The following CGGBP1 variants were observed in gnomAD, a reference collection of about 807,000 sequenced individuals.
CGGBP1 encodes CGG triplet repeat binding protein 1, also known as CGG triplet repeat-binding protein 1.
CGGBP1 carries 4 observed loss-of-function variants against 11.4 expected under a neutral mutation model. That is an observed-to-expected ratio of 0.35 (90% CI 0.17 to 0.80). CGGBP1 has a LOEUF of 0.80. CGGBP1 is among the 30% of genes least tolerant of loss of function. The probability of loss-of-function intolerance (pLI) is 0.52; values close to 1 mark genes in which losing one functional copy is unlikely to be tolerated. For missense variants in CGGBP1, 135 were observed against 202.1 expected, an observed-to-expected ratio of 0.67 and a Z score of 2.01; for synonymous variants, 76 against 74.1, an observed-to-expected ratio of 1.03 and a Z score of -0.13.
At chr3:88,140,258 A>T in intron 2 of CGGBP1, 1 of 1,613,760 alleles carries the variant, frequency 6.2e-7, no homozygotes. Context: ...TGCTGTATGA[A>T]CATGAAGCTC....
intron 2 of CGGBP1, among the ~76,000 whole-genome samples, chr3:88,100,276 C>T (rs1306725151): frequency 1.3e-5 from 2 of 152,086 alleles, no homozygotes; most frequent in African/African-American, 4.8e-5. Context: ...CAATGAGATA[C>T]CATCTCACAC....
intron 2 of CGGBP1, among the ~76,000 whole-genome samples, chr3:88,097,060 A>T (rs1274581559): frequency 3.3e-5 from 5 of 152,182 alleles, no homozygotes; most frequent in Non-Finnish European, 5.9e-5. Flanking sequence ...AAATGTAATT[A>T]ACCAGCCCCT....
rs1003285939 is a variant in CGGBP1 at position 88,135,434 on chromosome 3, T to C, written c.-229+5536A>G. On this transcript the variant is annotated intron_variant, in intron 2 of 3. Transcript: ENST00000462901. The stretch of plus-strand genomic sequence containing the variant: ...GGAAGCAATTGCTTCCATTACAACC[T>C]TTTTTCTTATAATTAAATATTTGTT... 58 of 305,508 alleles carry C rather than the reference T, an allele frequency of 1.9e-4. No homozygotes were observed. The Middle Eastern group carries it at 3.5e-3, about 19-fold the overall frequency. 18.9% of individuals were successfully genotyped at this position (305,508 alleles called of 1,614,324 possible). A position where few individuals can be genotyped will look rare whatever the true frequency, so the allele number is the denominator to read the frequency against.
intron 2 of CGGBP1, among the ~76,000 whole-genome samples, chr3:88,130,181 T>C (rs528717911): frequency 1.6e-4 from 24 of 152,152 alleles, no homozygotes; most frequent in Non-Finnish European, 3.4e-4. Flanking sequence ...TATGAGTGTT[T>C]TTAGGTAGCT....
intron 2 of CGGBP1, among the ~76,000 whole-genome samples, chr3:88,119,670 AT>A (rs977573182): frequency 3.3e-5 from 5 of 152,044 alleles, no homozygotes; most frequent in African/African-American, 9.7e-5. Flanking sequence ...TTTTATATTT[AT>A]TTCTTTGTAT....
chr3:88,078,269 C>G (rs764111298), intron 2 of CGGBP1, among the ~76,000 whole-genome samples: 54 of 151,874 alleles, frequency 3.6e-4, no homozygotes, highest in Non-Finnish European at 6.0e-4. Context: ...GGGGGTAGAC[C>G]CTCTGCTTTG....
chr3:88,058,898 T>G lies in CGGBP1; in HGVS notation c.-414A>C. 5.8e-6 allele frequency: 1 copy of G among 173,266 alleles called. No individual in the cohort carries two copies. Among genetic ancestry groups the G allele is most frequent in the East Asian group, 1.8e-4 (1 of 5,642 alleles). 10.7% of individuals were successfully genotyped at this position (173,266 alleles called of 1,614,324 possible). On this transcript the variant is annotated 5_prime_UTR_variant, in exon 1 of 4. Transcript: ENST00000482016. ...AAAGGAAGAAAGAGGAGCAAGGGAA[T>G]AAGGGAGGAGGAGGATCCGTCGCTG... is the stretch of plus-strand genomic sequence containing the variant.
At chr3:88,128,008 T>G (rs1209025587) in intron 2 of CGGBP1, among the ~76,000 whole-genome samples, 1 of 152,184 alleles carries the variant, frequency 6.6e-6, no homozygotes, top group Non-Finnish European at 1.5e-5. Flanking sequence ...TATAAGTAAT[T>G]AAAATACTTC....
At chr3:88,126,200 G>A in intron 2 of CGGBP1, 1 of 1,531,368 alleles carries the variant, frequency 6.5e-7, no homozygotes, top group East Asian at 2.4e-5. Context: ...AATCATTAGA[G>A]ATGGTGGCCC....
At chr3:88,083,545 C>T (rs1315242727) in intron 2 of CGGBP1, among the ~76,000 whole-genome samples, 2 of 152,120 alleles carry the variant, frequency 1.3e-5, no homozygotes, top group Non-Finnish European at 2.9e-5. Flanking sequence ...TTGCTTCTGT[C>T]ATCAGTGTTC....
intron 2 of CGGBP1, among the ~76,000 whole-genome samples, chr3:88,082,646 T>C (rs1436815849): frequency 6.6e-6 from 1 of 152,166 alleles, no homozygotes; most frequent in Non-Finnish European, 1.5e-5. Context: ...AGTCTGTTAA[T>C]AGGGGTTTAG....
chr3:88,137,627 T>A (rs1490365270), intron 2 of CGGBP1, among the ~76,000 whole-genome samples: 1 of 152,086 alleles, frequency 6.6e-6, no homozygotes, highest in Non-Finnish European at 1.5e-5. Context: ...AATGGGGAAT[T>A]TTAACTGTAC....
intron 2 of CGGBP1, among the ~76,000 whole-genome samples, chr3:88,134,010 G>T (rs1312438439): frequency 1.3e-5 from 2 of 151,678 alleles, no homozygotes; most frequent in Non-Finnish European, 2.9e-5. Context: ...AATATAAATT[G>T]AAACACCCAG....
At chr3:88,092,691 T>C (rs1703817457) in intron 2 of CGGBP1, among the ~76,000 whole-genome samples, 1 of 152,218 alleles carries the variant, frequency 6.6e-6, no homozygotes, top group African/African-American at 2.4e-5. Flanking sequence ...TTAAATAATG[T>C]TATAAAATAA....
rs1349995802 is a variant in CGGBP1, at chr3:88,138,857, C to G, written c.-229+2113G>C. On this transcript the variant is annotated intron_variant, in intron 2 of 3. Transcript: ENST00000462901. ...TGGAGATCCTCAGGATTTGTGCACT[C>G]TCAATATTTTTTCTGGAGCGCTCCT... is the stretch of plus-strand genomic sequence containing the variant. 5.7e-6 allele frequency: 7 copies of G among 1,232,006 alleles called. No individual in the cohort carries two copies. The East Asian group carries it at 2.2e-4, about 39-fold the overall frequency. 76.3% of individuals were successfully genotyped at this position (1,232,006 alleles called of 1,614,324 possible). A position where few individuals can be genotyped will look rare whatever the true frequency, so the allele number is the denominator to read the frequency against.
chr3:88,149,142 C>T (rs1707361175), intron 1 of CGGBP1, among the ~76,000 whole-genome samples: 1 of 152,164 alleles, frequency 6.6e-6, no homozygotes, highest in Non-Finnish European at 1.5e-5. Context: ...TGTGTTGCTA[C>T]CATGCCAATA....
chr3:88,093,062 TG>T (rs1351131467), intron 2 of CGGBP1, among the ~76,000 whole-genome samples: 11 of 152,236 alleles, frequency 7.2e-5, no homozygotes, highest in Non-Finnish European at 1.5e-4. Context: ...CCTTATAAGA[TG>T]TATTTTCTGA....
Position 88,140,368 on chromosome 3 carries a change from C to T in CGGBP1, c.-229+602G>A, listed in dbSNP as rs776483646. The T allele has an allele frequency of 4.3e-6, 7 of 1,612,978 alleles. No individual in the cohort carries two copies. In the South Asian group the frequency reaches 4.4e-5, roughly 10 times the overall value. ...TCAAATCCTAATCAGGAAAAAGACT[C>T]ATCTAGTAATGAGAAACAAACTATT... On this transcript the variant is annotated intron_variant, in intron 2 of 3. Coordinates refer to the CGGBP1 transcript ENST00000462901.
chr3:88,100,948 TTAAAG>T (rs1704385851), intron 2 of CGGBP1, among the ~76,000 whole-genome samples: 1 of 152,230 alleles, frequency 6.6e-6, no homozygotes, highest in East Asian at 1.9e-4. Context: ...ACCCTAAAAC[TTAAAG>T]TATAATAAAA....
Sources: allele counts gnomAD v4.1 joint callset (sites outside exome capture counted in the v4.1 genomes callset), GRCh38; gene constraint gnomAD v4.1.1; transcripts MANE v1.5; gene names NCBI Gene and HGNC (gene_info 2026-07-23, HGNC 2026-07-21).